CTNNA3: variants seen among roughly 807,000 people sequenced by gnomAD.
The protein encoded by CTNNA3 is catenin alpha-3.
Under a neutral mutation model 95.7 loss-of-function variants are expected in CTNNA3, and 76 were observed. That is an observed-to-expected ratio of 0.79 (90% CI 0.66 to 0.96). The LOEUF (loss-of-function observed/expected upper bound fraction) is 0.96. CTNNA3 is among the 40% of genes least tolerant of loss of function. The probability of loss-of-function intolerance (pLI) is 0.00; values close to 1 mark genes in which losing one functional copy is unlikely to be tolerated. For synonymous variants in CTNNA3, 431 were observed against 374.4 expected (o/e 1.15, Z -1.74); for missense variants, 1,191 against 1,089.8 (o/e 1.09, Z -1.31).
rs2081245602 is a variant in CTNNA3 at position 66,092,417 on chromosome 10, A to G, written c.1977+10740T>C. ...CAAAGTAAAAGGCAAATGTCTTATGATGGTTTATACATCATCTGGACCAGG... is the reference window on the plus strand; with the variant it reads ...CAAAGTAAAAGGCAAATGTCTTATGGTGGTTTATACATCATCTGGACCAGG... On this transcript the variant is annotated intron_variant, in intron 14 of 17. Coordinates refer to ENST00000433211, the MANE Select transcript of CTNNA3 (RefSeq NM_013266.4). 3.3e-5 allele frequency among the ~76,000 whole-genome samples: 5 copies of G among 151,062 alleles called. No homozygotes were observed. The South Asian group carries it at 1.1e-3, about 32-fold the overall frequency.
At chr10:66,913,887 G>A (rs1222856445) in intron 7 of CTNNA3, among the ~76,000 whole-genome samples, 1 of 152,134 alleles carries the variant, frequency 6.6e-6, no homozygotes, top group Non-Finnish European at 1.5e-5. Flanking sequence ...TGAGACTTGG[G>A]ACTGACAACC....
intron 12 of CTNNA3, among the ~76,000 whole-genome samples, chr10:66,377,869 A>G (rs370169053): frequency 2.0e-4 from 30 of 152,272 alleles, no homozygotes; most frequent in Non-Finnish European, 3.7e-4. Flanking sequence ...AGTAACTACT[A>G]TGTGCCCTAT....
intron 7 of CTNNA3, among the ~76,000 whole-genome samples, chr10:66,886,527 T>A (rs1167095388): frequency 6.6e-6 from 1 of 152,194 alleles, no homozygotes; most frequent in Non-Finnish European, 1.5e-5. Context: ...CAAGGACTCA[T>A]AAAGTTCTGC....
intron 17 of CTNNA3, 136 bp from the exon 18 acceptor site, chr10:65,920,753 G>C: frequency 1.1e-6 from 1 of 905,856 alleles, no homozygotes; most frequent in Non-Finnish European, 1.6e-6. Flanking sequence ...TTGAGCCCAG[G>C]AGGCAAAGGT....
rs576019451 is a variant in CTNNA3, at chr10:66,744,214, C to T, written c.1281+22050G>A. On this transcript the variant is annotated intron_variant, in intron 9 of 17. Coordinates refer to ENST00000433211, the MANE Select transcript of CTNNA3 (RefSeq NM_013266.4). ...ACAAATAATCTTCATGCACCAAGAA[C>T]TGATATGATCAATTTGTTAAGGTTT... Among the ~76,000 whole-genome samples the T allele has an allele frequency of 1.6e-4, 25 of 152,208 alleles. No individual in the cohort carries two copies. In the South Asian group the frequency reaches 4.8e-3, roughly 29 times the overall value.
intron 11 of CTNNA3, among the ~76,000 whole-genome samples, chr10:66,422,098 A>G (rs1683368748): frequency 6.6e-6 from 1 of 151,768 alleles, no homozygotes; most frequent in African/African-American, 2.4e-5. Context: ...CAATGTTGAT[A>G]TTTCTCAACG....
At chr10:67,232,935 G>C (rs1024907935) in intron 5 of CTNNA3, among the ~76,000 whole-genome samples, 1 of 152,242 alleles carries the variant, frequency 6.6e-6, no homozygotes, top group East Asian at 1.9e-4. Context: ...TAACGGTAAA[G>C]GGATCAATTC....
intron 9 of CTNNA3, among the ~76,000 whole-genome samples, chr10:66,633,353 C>A (rs920816508): frequency 6.6e-6 from 1 of 152,142 alleles, no homozygotes; most frequent in Non-Finnish European, 1.5e-5. Context: ...AAGTGAGATA[C>A]TGCAGAATGG....
chr10:66,895,220 C>T (rs1845434035), intron 7 of CTNNA3, among the ~76,000 whole-genome samples: 1 of 152,022 alleles, frequency 6.6e-6, no homozygotes, highest in African/African-American at 2.4e-5. Flanking sequence ...GTCCCAAAAG[C>T]TATGCCCCAA....
chr10:67,019,503 C>T (rs1348085176), intron 7 of CTNNA3, among the ~76,000 whole-genome samples: 1 of 152,214 alleles, frequency 6.6e-6, no homozygotes, highest in Non-Finnish European at 1.5e-5. Context: ...CAGGCATGAG[C>T]CACCGTACCT....
At chr10:66,548,165 C>T (rs1032878507) in intron 10 of CTNNA3, among the ~76,000 whole-genome samples, 3 of 152,144 alleles carry the variant, frequency 2.0e-5, no homozygotes, top group Non-Finnish European at 2.9e-5. Flanking sequence ...GATCCGTCCA[C>T]CTCGGCCTCC....
rs942682553 is a variant in CTNNA3 at position 65,913,921 on chromosome 10, A to C, written c.*6409T>G. The C allele has an allele frequency of 6.6e-6, 1 of 152,312 alleles. No homozygotes were observed. Among genetic ancestry groups the C allele is most frequent in the South Asian group, 2.1e-4 (1 of 4,834 alleles). 9.4% of individuals were successfully genotyped at this position (152,312 alleles called of 1,614,324 possible). On this transcript the variant is annotated 3_prime_UTR_variant, in exon 18 of 18. Coordinates refer to ENST00000433211, the MANE Select transcript of CTNNA3 (RefSeq NM_013266.4). The stretch of plus-strand genomic sequence containing the variant: ...CTGAGTCTGCAGAAGCTGGGCTGTC[A>C]GAATAGAAAAGCAAGATATCTACAG...
chr10:66,838,014 A>G (rs1842937052), intron 7 of CTNNA3, among the ~76,000 whole-genome samples: 2 of 152,088 alleles, frequency 1.3e-5, no homozygotes, highest in Admixed American at 6.6e-5. Context: ...AAGAGTCTTC[A>G]TTATTCGTCT....
chr10:66,402,059 AAAT>A (rs2093025873), intron 11 of CTNNA3, among the ~76,000 whole-genome samples: 1 of 152,172 alleles, frequency 6.6e-6, no homozygotes, highest in African/African-American at 2.4e-5. Flanking sequence ...TCATGAGACA[AAAT>A]AATAACTGAT....
chr10:67,598,527 G>A (rs145207930), intron 3 of CTNNA3, among the ~76,000 whole-genome samples: 16 of 152,030 alleles, frequency 1.1e-4, no homozygotes, highest in Admixed American at 4.6e-4. Context: ...TGATTTTGAC[G>A]GTGTGGTCTC....
chr10:66,070,975 TC>T (rs869093321), intron 14 of CTNNA3, among the ~76,000 whole-genome samples: 2 of 151,726 alleles, frequency 1.3e-5, no homozygotes, highest in Admixed American at 1.3e-4. Context: ...GTCCTTTTTC[TC>T]AGGGGGAACA....
In CTNNA3 at chr10:66,676,070, T is replaced by C. The variant is rs576808808; in HGVS notation, c.1282-54286A>G. 1.3e-4 allele frequency among the ~76,000 whole-genome samples: 20 copies of C among 151,884 alleles called. 1 individual carries two copies. The South Asian group carries it at 4.0e-3, about 30-fold the overall frequency. ...AGGATTTATTTTCTGTTAACATAAA[T>C]AATGGGAATTTCTACATGTTAGAGT... On this transcript the variant is annotated intron_variant, in intron 9 of 17. Coordinates refer to ENST00000433211, the MANE Select transcript of CTNNA3 (RefSeq NM_013266.4).
intron 5 of CTNNA3, among the ~76,000 whole-genome samples, chr10:67,293,035 A>C (rs555900138): frequency 6.6e-6 from 1 of 152,240 alleles, no homozygotes; most frequent in East Asian, 1.9e-4. Context: ...GTAGATTAAG[A>C]AGAGTCAATA....
intron 10 of CTNNA3, among the ~76,000 whole-genome samples, chr10:66,543,905 GTGTGTGTATATA>G (rs1198435554): frequency 0.067 from 6,825 of 102,058 alleles, 313 homozygotes; most frequent in African/African-American, 0.1. Context: ...TGAGATGTGT[GTGTGTGTATATA>G]TATATATATA....
Sources: allele counts gnomAD v4.1 joint callset (sites outside exome capture counted in the v4.1 genomes callset), GRCh38; gene constraint gnomAD v4.1.1; transcripts MANE v1.5; gene names NCBI Gene and HGNC (gene_info 2026-07-23, HGNC 2026-07-21).